The following TRPM1 variants were observed in gnomAD, a reference collection of about 807,000 sequenced individuals.
TRPM1 encodes TRPM1-203 APA Isoform, Intron 10.
Under a neutral mutation model 149.4 loss-of-function variants are expected in TRPM1, and 113 were observed. The observed-to-expected ratio is 0.76, with a 90% confidence interval of 0.65 to 0.88. The LOEUF is 0.88. Among genes scored for constraint, TRPM1 ranks in the 40% least tolerant of loss-of-function variants. The pLI is 0.00. For missense variants in TRPM1, 1,976 were observed against 2,038.7 expected, an observed-to-expected ratio of 0.97 and a Z score of 0.59; for synonymous variants, 741 against 759.5, an observed-to-expected ratio of 0.98 and a Z score of 0.40.
Position 31,040,264 on chromosome 15 carries a change from C to T in TRPM1, c.2170G>A (p.Glu724Lys), listed in dbSNP as rs200344215. The T allele has an allele frequency of 2.2e-5, 35 of 1,614,168 alleles. No homozygotes were observed. The highest frequency in any genetic ancestry group is 1.1e-4 in the South Asian group (10 of 91,084). ...GTCGAGTTGCTCCAGTTTTTCAGCTCGTAGGTCAGGAGTTTCATAGCGATC... is the reference window on the plus strand; with the variant it reads ...GTCGAGTTGCTCCAGTTTTTCAGCTTGTAGGTCAGGAGTTTCATAGCGATC... Reference protein sequence around the residue: ...EQIAMKLLTYELKNWSNSTCL... With the variant: ...EQIAMKLLTYKLKNWSNSTCL... The change falls in exon 18 of 28, where the codon GAG (glutamate) becomes AAG (lysine). Residue 724 changes from glutamate to lysine, a missense_variant. Glu to Lys is a moderately conservative substitution (Grantham distance 56). Around this residue, in one of 3 missense-constraint regions of TRPM1, gnomAD observed 1,332 missense variants for 1,347.1 expected, o/e 0.99. Transcript: ENST00000256552. The surrounding 1 kb of genome is among the most constrained non-coding windows in gnomAD (Gnocchi z 4.2).
intron 1 of TRPM1, among the ~76,000 whole-genome samples, chr15:31,138,158 C>T (rs961739951): frequency 6.6e-6 from 1 of 152,184 alleles, no homozygotes; most frequent in African/African-American, 2.4e-5. Context: ...CTTTGGGTCC[C>T]TGAAACAATG....
At chr15:31,124,918 A>G (rs1443586145) in intron 1 of TRPM1, among the ~76,000 whole-genome samples, 2 of 152,160 alleles carry the variant, frequency 1.3e-5, no homozygotes, top group Non-Finnish European at 2.9e-5. Context: ...TTATGCCTGT[A>G]ATCCCAACAC....
intron 1 of TRPM1, among the ~76,000 whole-genome samples, chr15:31,088,054 G>C (rs1451651222): frequency 6.6e-6 from 1 of 152,220 alleles, no homozygotes; most frequent in Non-Finnish European, 1.5e-5. Flanking sequence ...TCTAGTCCTT[G>C]TGAGAGGTGC....
At chr15:31,088,421 C>G (rs537129838) in intron 1 of TRPM1, among the ~76,000 whole-genome samples, 2 of 152,288 alleles carry the variant, frequency 1.3e-5, no homozygotes, top group East Asian at 3.9e-4. Context: ...TGGGTTGGCA[C>G]CACCTTTAAG....
intron 24 of TRPM1, 23 bp from the exon 25 acceptor site, chr15:31,028,499 T>C: frequency 6.2e-7 from 1 of 1,613,550 alleles, no homozygotes; most frequent in Non-Finnish European, 8.5e-7. Context: ...AATAGTTTTG[T>C]CTTTGCTTTT....
chr15:31,105,786 T>G (rs886194943), upstream of TRPM1, among the ~76,000 whole-genome samples: 27 of 152,228 alleles, frequency 1.8e-4, no homozygotes, highest in Non-Finnish European at 3.7e-4. Flanking sequence ...TCTGTGTGGT[T>G]ATTCTACACA....
chr15:31,033,012 A>G, intron 21 of TRPM1, 72 bp from the exon 22 acceptor site: 4 of 1,597,768 alleles, frequency 2.5e-6, no homozygotes, highest in East Asian at 4.5e-5. Flanking sequence ...TCTTGGAACA[A>G]TAAGACTGAT....
chr15:31,113,730 C>T lies in TRPM1; in HGVS notation c.55-36746G>A, dbSNP rs372014992. Among the ~76,000 whole-genome samples the T allele has an allele frequency of 2.5e-3, 380 of 152,254 alleles. 1 individual carries two copies. The highest frequency in any genetic ancestry group is 8.8e-3 in the African/African-American group (366 of 41,542). ...CATTCCGGTGGATTTCTGGTCCCAC[C>T]GCCTTTAAGAATGAAGCATGCGGAC... On this transcript the variant is annotated intron_variant, in intron 1 of 26. Transcript: ENST00000542188.
chr15:31,023,085 G>A (rs1375207859), intron 27 of TRPM1, among the ~76,000 whole-genome samples: 1 of 152,204 alleles, frequency 6.6e-6, no homozygotes, highest in Non-Finnish European at 1.5e-5. Context: ...CAGGCTCTAG[G>A]TATATCATGG....
At position 31,094,215 on chromosome 15, in the gene TRPM1, A is replaced by G. The variant is rs1448640004; in HGVS notation, c.-84+7442T>C. Among the ~76,000 whole-genome samples the G allele has an allele frequency of 3.3e-5, 5 of 152,198 alleles. 1 individual carries two copies. Among genetic ancestry groups the G allele is most frequent in the African/African-American group, 1.2e-4 (5 of 41,442 alleles). The stretch of plus-strand genomic sequence containing the variant: ...CACTAGCTATAAATATTAACTCAAA[A>G]TGGATCAGACTAAATTGTAAGACCT... On this transcript the variant is annotated intron_variant, in intron 1 of 27. Coordinates refer to ENST00000256552, the MANE Select transcript of TRPM1 (RefSeq NM_001252024.2).
At chr15:31,106,242 GAT>G (rs2035604637), upstream of TRPM1, among the ~76,000 whole-genome samples, 1 of 151,784 alleles carries the variant, frequency 6.6e-6, no homozygotes, top group South Asian at 2.1e-4. Flanking sequence ...GGGTTCAAGG[GAT>G]TCTCCTGCCT....
At chr15:31,089,259 G>C (rs77660133) in intron 1 of TRPM1, among the ~76,000 whole-genome samples, 4,731 of 152,246 alleles carry the variant, frequency 0.031, 260 homozygotes, top group African/African-American at 0.11. Flanking sequence ...GTGGGTTTCT[G>C]AGGGTTGGCA....
chr15:31,062,954 T>C, intron 8 of TRPM1, 164 bp downstream of exon 8: 2 of 1,051,936 alleles, frequency 1.9e-6, no homozygotes, highest in South Asian at 1.4e-5. Context: ...CTGCCTCTGA[T>C]GGTTCCCCTG....
rs35415636 is a variant in TRPM1 at position 31,001,375 on chromosome 15, C to G, written c.*447G>C. 2,234 of 161,024 alleles carry G rather than the reference C, an allele frequency of 0.014. 37 individuals are homozygous for G. The highest frequency in any genetic ancestry group is 0.018 in the Non-Finnish European group (1,323 of 74,354). The allele number at this position is 161,024 out of a possible 1,614,324, so 10.0% of individuals were successfully genotyped here. ...AAGAGATGGGGTATCACTATGTTGC[C>G]CAGGCTGGTCTCAAACTCCTGGACT... On this transcript the variant is annotated 3_prime_UTR_variant, in exon 28 of 28. Transcript: ENST00000256552.
intron 1 of TRPM1, among the ~76,000 whole-genome samples, chr15:31,153,085 T>C (rs2036324776): frequency 6.6e-6 from 1 of 152,268 alleles, no homozygotes; most frequent in South Asian, 2.1e-4. Context: ...TATTTTGGAA[T>C]GGTCCTTTAC....
chr15:31,071,892 A>C (rs901529947), intron 3 of TRPM1, among the ~76,000 whole-genome samples: 32 of 147,408 alleles, frequency 2.2e-4, no homozygotes, highest in African/African-American at 7.3e-4. Flanking sequence ...TGAACCCCGG[A>C]GGCAGAGGTT....
At chr15:31,118,325 A>C (rs2035830768) in intron 1 of TRPM1, among the ~76,000 whole-genome samples, 1 of 152,134 alleles carries the variant, frequency 6.6e-6, no homozygotes, top group Non-Finnish European at 1.5e-5. Flanking sequence ...TACCAGAGGG[A>C]GAAGAAAGAG....
chr15:31,130,331 C>T (rs2036001016), intron 1 of TRPM1, among the ~76,000 whole-genome samples: 1 of 152,234 alleles, frequency 6.6e-6, no homozygotes, highest in South Asian at 2.1e-4. Flanking sequence ...ACCTAACCGA[C>T]TCCATCTTGC....
chr15:31,123,441 T>C (rs545337178), intron 1 of TRPM1, among the ~76,000 whole-genome samples: 1 of 152,346 alleles, frequency 6.6e-6, no homozygotes, highest in Non-Finnish European at 1.5e-5. Flanking sequence ...GATAAAGGAC[T>C]TGTATCCAAA....
Sources: allele counts gnomAD v4.1 joint callset (sites outside exome capture counted in the v4.1 genomes callset), GRCh38; gene constraint gnomAD v4.1.1; regional missense constraint gnomAD v4.1.1; non-coding constraint Gnocchi (gnomAD v3.1); transcripts MANE v1.5; gene names NCBI Gene and HGNC (gene_info 2026-07-23, HGNC 2026-07-21).